Variants in HAVCR1 observed in about 807,000 individuals in gnomAD.
HAVCR1 encodes T cell immunoglobin domain and mucin domain protein 1.
In HAVCR1, 34 loss-of-function variants were observed where a neutral mutation model predicts 32.0. That is an observed-to-expected ratio of 1.06 (90% confidence interval 0.81 to 1.42). The LOEUF is 1.42. Among genes scored for constraint, HAVCR1 ranks in the 40% most tolerant of loss-of-function variants. The pLI, the probability that HAVCR1 is intolerant of heterozygous loss-of-function variation, is 0.00. For missense variants in HAVCR1, 420 were observed against 442.3 expected, an observed-to-expected ratio of 0.95 and a Z score of 0.45; for synonymous variants, 178 against 170.3, an observed-to-expected ratio of 1.05 and a Z score of -0.35.
intron 7 of HAVCR1, among the ~76,000 whole-genome samples, chr5:157,035,196 T>C (rs1243312251): frequency 6.6e-6 from 1 of 152,162 alleles, no homozygotes; most frequent in Non-Finnish European, 1.5e-5. Context: ...TTTGGCGTAC[T>C]CAAGTATCAA....
At chr5:157,039,709 A>C (rs556932083) in intron 6 of HAVCR1, among the ~76,000 whole-genome samples, 9 of 152,230 alleles carry the variant, frequency 5.9e-5, no homozygotes, top group Non-Finnish European at 1.3e-4. Context: ...CCTTACTATT[A>C]AACATTTAGG....
At chr5:157,042,238 C>T (rs1370040765) in intron 6 of HAVCR1, among the ~76,000 whole-genome samples, 1 of 151,126 alleles carries the variant, frequency 6.6e-6, no homozygotes, top group South Asian at 2.1e-4. Context: ...GTCAGGAGAT[C>T]GAGACTATCC....
chr5:157,065,955 C>T, the HAVCR1 span, among the ~76,000 whole-genome samples: 1 of 150,690 alleles, frequency 6.6e-6, no homozygotes, highest in Non-Finnish European at 1.5e-5. Flanking sequence ...ACTCAGGAGG[C>T]TGAGGCAGGA....
intron 3 of HAVCR1, among the ~76,000 whole-genome samples, chr5:157,053,998 T>G (rs1755949590): frequency 6.7e-6 from 1 of 149,300 alleles, no homozygotes; most frequent in Admixed American, 6.7e-5. Flanking sequence ...CTGGGCAACA[T>G]AGCGAAACCA....
At chr5:157,044,464 AAAGAAAGGAAGGAAGG>A (rs1298744658) in intron 5 of HAVCR1, among the ~76,000 whole-genome samples, 2 of 77,240 alleles carry the variant, frequency 2.6e-5, no homozygotes, top group African/African-American at 1.1e-4. Flanking sequence ...AGAAAGAAAG[AAAGAAAGGAAGGAAGG>A]AAGGAAGGAA....
chr5:157,047,560 A>T lies in HAVCR1; in HGVS notation c.781+1478T>A, dbSNP rs975834582. 9.9e-5 allele frequency among the ~76,000 whole-genome samples: 15 copies of T among 152,178 alleles called. No individual in the cohort carries two copies. In the South Asian group the frequency reaches 1.5e-3, roughly 15 times the overall value. ...AGAGCAAGACTCCGTCTCAAAAAAA[A>T]AAAAAGTACAAGAAGACTAGGTTTT... On this transcript the variant is annotated intron_variant, in intron 5 of 8. Transcript: ENST00000523175.
intron 6 of HAVCR1, among the ~76,000 whole-genome samples, chr5:157,041,408 G>GA (rs34880974): frequency 6.6e-6 from 1 of 151,942 alleles, no homozygotes; most frequent in African/African-American, 2.4e-5. Context: ...TGAGGCAGGG[G>GA]AATCACTTGA....
rs1039538805 is a variant in HAVCR1, at chr5:157,056,659, T to C, written c.47-1126A>G. On this transcript the variant is annotated intron_variant, in intron 2 of 8. Coordinates refer to ENST00000523175, the MANE Select transcript of HAVCR1 (RefSeq NM_001173393.3). ...CCTCCCAAAGTGCTGGGATTACAGG[T>C]GTGAGCCACCACGCCCGGCCACCAA... Among the ~76,000 whole-genome samples the C allele has an allele frequency of 2.2e-4, 34 of 151,760 alleles. No individual in the cohort carries two copies. In the East Asian group the frequency reaches 3.1e-3, roughly 14 times the overall value.
rs776539060 is a variant in HAVCR1 at position 157,032,902 on chromosome 5, T to G, written c.953-15A>C. On this transcript the variant is annotated splice_polypyrimidine_tract_variant and intron_variant, in intron 7 of 8. Transcript: ENST00000523175. The stretch of plus-strand genomic sequence containing the variant: ...GAAGAAATACTCTAAATTGAAGGGG[T>G]GGGGAGAGAGGAGTTGAAGAGAAAA... 1 of 1,532,504 alleles carries G rather than the reference T, an allele frequency of 6.5e-7. No homozygotes were observed. Among genetic ancestry groups the G allele is most frequent in the East Asian group, 2.3e-5 (1 of 43,958 alleles). 94.9% of individuals were successfully genotyped at this position (1,532,504 alleles called of 1,614,324 possible).
chr5:157,056,733 A>G (rs1327518036), intron 2 of HAVCR1, among the ~76,000 whole-genome samples: 1 of 152,028 alleles, frequency 6.6e-6, no homozygotes, highest in African/African-American at 2.4e-5. Context: ...TTTTTGGATT[A>G]CACATATAAT....
chr5:157,067,621 T>C, the HAVCR1 span, among the ~76,000 whole-genome samples: 2 of 152,150 alleles, frequency 1.3e-5, no homozygotes, highest in African/African-American at 4.8e-5. Flanking sequence ...GGAGCTGTGA[T>C]TGCACCCCTG....
chr5:157,049,605 A>C (rs768337993), intron 4 of HAVCR1, among the ~76,000 whole-genome samples: 3 of 152,164 alleles, frequency 2.0e-5, no homozygotes, highest in Non-Finnish European at 2.9e-5. Flanking sequence ...CCCCTTCACA[A>C]CAGCCCCATT....
intron 3 of HAVCR1, among the ~76,000 whole-genome samples, chr5:157,053,597 C>T (rs536546828): frequency 1.3e-5 from 2 of 151,106 alleles, no homozygotes; most frequent in East Asian, 2.0e-4. Context: ...CGGCCGGGCG[C>T]GGCAGCTCAC....
intron 8 of HAVCR1, among the ~76,000 whole-genome samples, chr5:157,032,426 GAGAATCGCTTGA>G (rs1296960183): frequency 1.3e-5 from 2 of 152,202 alleles, no homozygotes; most frequent in Non-Finnish European, 2.9e-5. Context: ...GCTGAGGCAG[GAGAATCGCTTGA>G]ACCCAGGAGG....
At chr5:157,037,108 G>A in intron 7 of HAVCR1, 139 bp downstream of exon 7, 1 of 681,352 alleles carries the variant, frequency 1.5e-6, no homozygotes, top group Non-Finnish European at 2.6e-6. Flanking sequence ...GTATTACCAT[G>A]TGACTTTTAC....
upstream of HAVCR1, among the ~76,000 whole-genome samples, chr5:157,062,439 C>T (rs187116029): frequency 7.9e-5 from 12 of 152,304 alleles, no homozygotes; most frequent in East Asian, 2.3e-3. Context: ...CACTTACTTC[C>T]CTGCTATCTC....
At chr5:157,054,724 G>A (rs1012867137) in intron 3 of HAVCR1, among the ~76,000 whole-genome samples, 1 of 152,142 alleles carries the variant, frequency 6.6e-6, no homozygotes, top group Non-Finnish European at 1.5e-5. Flanking sequence ...AGAAGGATAT[G>A]TTGTCTGCTG....
At chr5:157,030,006 A>C (rs1754079427) in intron 8 of HAVCR1, among the ~76,000 whole-genome samples, 165 bp from the exon 9 acceptor site, 1 of 152,118 alleles carries the variant, frequency 6.6e-6, no homozygotes, top group Admixed American at 6.6e-5. Context: ...CAGAGTTGTA[A>C]AAGGTGTGGC....
intron 6 of HAVCR1, 142 bp from the exon 7 acceptor site, chr5:157,037,503 C>T: frequency 1.7e-6 from 1 of 585,778 alleles, no homozygotes; most frequent in Non-Finnish European, 3.0e-6. Context: ...ACCAAATGAT[C>T]TCAGTTTATA....
Sources: allele counts gnomAD v4.1 joint callset (sites outside exome capture counted in the v4.1 genomes callset), GRCh38; gene constraint gnomAD v4.1.1; transcripts MANE v1.5; gene names NCBI Gene and HGNC (gene_info 2026-07-23, HGNC 2026-07-21).